Variants in GIMAP8 observed in about 807,000 individuals in gnomAD.
The protein encoded by GIMAP8 is GTPase IMAP family member 8.
GIMAP8 carries 29 observed loss-of-function variants against 35.6 expected under a neutral mutation model. The ratio of observed to expected loss-of-function variants is 0.81; its 90% CI spans 0.61 to 1.11. The LOEUF (loss-of-function observed/expected upper bound fraction) is 1.11, where lower values mean the gene tolerates loss of function less well. Among genes scored for constraint, GIMAP8 ranks in the 50% most tolerant of loss-of-function variants. The pLI is 0.00. For synonymous variants in GIMAP8, 335 were observed against 308.7 expected (o/e 1.09, Z -0.89); for missense variants, 811 against 805.0 (o/e 1.01, Z -0.09).
At position 150,477,177 on chromosome 7, in the gene GIMAP8, C is replaced by A; in HGVS notation, c.1395C>A (p.Thr465=). ...GNSILGSLVF[T]SRLRAQPVTK... is the part of the protein sequence containing the mutation. ...CTATCCTGGGGAGCCTCGTCTTCAC[C>A]TCTCGGCTCCGGGCCCAGCCAGTCA... The change falls in exon 5 of 5, where the codon ACC becomes ACA. Residue 465 remains threonine, a synonymous_variant. Transcript: ENST00000307271. 1.2e-6 allele frequency: 2 copies of A among 1,614,082 alleles called. No individual in the cohort carries two copies. The highest frequency in any genetic ancestry group is 1.7e-6 in the Non-Finnish European group (2 of 1,179,976).
rs568268749 is a variant in GIMAP8 at position 150,472,466 on chromosome 7, C to G, written c.683-1546C>G. Among the ~76,000 whole-genome samples the G allele has an allele frequency of 6.6e-6, 1 of 152,214 alleles. No individual in the cohort carries two copies. The highest frequency in any genetic ancestry group is 1.5e-5 in the Non-Finnish European group (1 of 68,020). ...GCAGAGTGGTTGTGGTTGTGGAAGA[C>G]TCGTGTCTGATTTTCTGTAATACTG... On this transcript the variant is annotated intron_variant, in intron 3 of 4. Coordinates refer to ENST00000307271, the MANE Select transcript of GIMAP8 (RefSeq NM_175571.4). This position sits in a 1 kb window ranked among gnomAD's most constrained non-coding sequence, Gnocchi z 4.1.
At chr7:150,453,227 G>A (rs1801657382) in intron 1 of GIMAP8, among the ~76,000 whole-genome samples, 1 of 152,242 alleles carries the variant, frequency 6.6e-6, no homozygotes, top group African/African-American at 2.4e-5. Flanking sequence ...TCCATAGGGT[G>A]TATCTGGGTG....
At chr7:150,452,333 G>A (rs1801625634) in intron 1 of GIMAP8, among the ~76,000 whole-genome samples, 2 of 151,956 alleles carry the variant, frequency 1.3e-5, no homozygotes, top group Admixed American at 1.3e-4. Context: ...GGGTGTGTGT[G>A]TGTAGGTCCT....
At chr7:150,457,134 G>T (rs1045058947) in intron 1 of GIMAP8, among the ~76,000 whole-genome samples, 1 of 152,320 alleles carries the variant, frequency 6.6e-6, no homozygotes, top group Middle Eastern at 3.4e-3. Context: ...CTTTTCTGCA[G>T]TTTATAGATT....
At chr7:150,471,769 C>T (rs1387304949) in intron 3 of GIMAP8, among the ~76,000 whole-genome samples, 2 of 150,644 alleles carry the variant, frequency 1.3e-5, no homozygotes, top group African/African-American at 4.9e-5. Flanking sequence ...TCTGGGAGCG[C>T]AAGATTGCAG....
intron 1 of GIMAP8, among the ~76,000 whole-genome samples, chr7:150,452,987 C>T (rs539801842): frequency 7.2e-5 from 11 of 152,024 alleles, no homozygotes; most frequent in Non-Finnish European, 1.2e-4. Context: ...GCATATACTA[C>T]ATGCCAGGCA....
At chr7:150,462,256 C>T (rs1801858795) in intron 1 of GIMAP8, among the ~76,000 whole-genome samples, 1 of 152,156 alleles carries the variant, frequency 6.6e-6, no homozygotes, top group Non-Finnish European at 1.5e-5. Context: ...TTGCTTCAGG[C>T]CATCTGGATG....
chr7:150,472,045 G>A lies in GIMAP8; in HGVS notation c.682+1171G>A, dbSNP rs187922330. ...CAGAAATACGTGTACTCAGGCAGAA[G>A]GGTTTCAAAATTCTGGCAATGCCCT... On this transcript the variant is annotated intron_variant, in intron 3 of 4. Transcript: ENST00000307271. The surrounding 1 kb of genome is among the most constrained non-coding windows in gnomAD (Gnocchi z 4.1). Among the ~76,000 whole-genome samples the A allele has an allele frequency of 1.9e-3, 290 of 152,270 alleles. 1 individual carries two copies. The highest frequency in any genetic ancestry group is 0.01 in the Middle Eastern group (3 of 294).
intron 1 of GIMAP8, among the ~76,000 whole-genome samples, chr7:150,456,729 G>A (rs1405756537): frequency 2.0e-5 from 3 of 152,226 alleles, no homozygotes; most frequent in African/African-American, 7.2e-5. Context: ...AGTGGGCGAT[G>A]TGTAAAAGAG....
chr7:150,468,518 G>A (rs1363484725), intron 2 of GIMAP8, among the ~76,000 whole-genome samples: 2 of 152,128 alleles, frequency 1.3e-5, no homozygotes, highest in Non-Finnish European at 1.5e-5. Context: ...ACGCATGTCC[G>A]TACTATGGAA....
rs1482534111 is a variant in GIMAP8, at chr7:150,477,358, A to G, written c.1576A>G (p.Thr526Ala). 1.2e-6 allele frequency: 2 copies of G among 1,614,188 alleles called. No homozygotes were observed. The highest frequency in any genetic ancestry group is 1.7e-6 in the Non-Finnish European group (2 of 1,180,036). Residue 526 changes from threonine (T) to alanine (A), a missense_variant, in exon 5 of 5, where the codon ACA becomes GCA. By Grantham distance (58) the Thr-to-Ala change is moderately conservative. Coordinates refer to ENST00000307271, the MANE Select transcript of GIMAP8 (RefSeq NM_175571.4). ...TTTGTCCTGCTGTGAAAAAGGGGAC[A>G]CATTTTTTGTCCTGGTGTTCCAGCT... ...RCLSCCEKGD[T>A]FFVLVFQLGR...
rs1802275958 is a variant in GIMAP8 at position 150,477,841 on chromosome 7, G to A, written c.*61G>A. On this transcript the variant is annotated 3_prime_UTR_variant, in exon 5 of 5. Coordinates refer to ENST00000307271, the MANE Select transcript of GIMAP8 (RefSeq NM_175571.4). ...CACCCTCAGGTTGGGGGGAGGGGCG[G>A]GGCATGGTACAACCTGTGGGAAGGG... 1.4e-6 allele frequency: 2 copies of A among 1,381,108 alleles called. No homozygotes were observed. The highest frequency in any genetic ancestry group is 2.4e-4 in the Middle Eastern group (1 of 4,238). The allele number at this position is 1,381,108 out of a possible 1,614,324, so 85.6% of individuals were successfully genotyped here.
intron 4 of GIMAP8, among the ~76,000 whole-genome samples, chr7:150,475,783 G>T (rs938853192): frequency 6.6e-6 from 1 of 152,214 alleles, no homozygotes; most frequent in Non-Finnish European, 1.5e-5. Flanking sequence ...ATTTGAAACA[G>T]GTTTTAGAGA....
At chr7:150,453,307 G>T (rs184427614) in intron 1 of GIMAP8, among the ~76,000 whole-genome samples, 7 of 152,298 alleles carry the variant, frequency 4.6e-5, no homozygotes, top group Admixed American at 2.0e-4. Context: ...TCCCCTGGTG[G>T]ACCGGTTCTG....
rs1585120350 is a variant in GIMAP8, at chr7:150,474,551, G to T, written c.1222G>T (p.Glu408Ter). The T allele has an allele frequency of 6.2e-7, 1 of 1,612,908 alleles. No individual in the cohort carries two copies. Among genetic ancestry groups the T allele is most frequent in the African/African-American group, 1.3e-5 (1 of 75,018 alleles). ...AFNYRATGEEEQRQADELLEK... is the reference protein window; with the variant it reads ...AFNYRATGEE ...CAACTACCGGGCAACAGGAGAAGAA[G>T]AGCAAAGGCAGGCGGACGAGCTCCT... The change falls in exon 4 of 5, where the codon GAG becomes TAG. Residue 408 changes from glutamate to a stop codon, truncating the protein, a stop_gained. Coordinates refer to ENST00000307271, the MANE Select transcript of GIMAP8 (RefSeq NM_175571.4). LOFTEE classifies it high-confidence loss of function.
intron 2 of GIMAP8, among the ~76,000 whole-genome samples, chr7:150,468,683 G>A (rs1431207499): frequency 6.6e-6 from 1 of 152,158 alleles, no homozygotes; most frequent in East Asian, 1.9e-4. Context: ...CATAGAAAAA[G>A]TTAGAAGGAT....
intron 4 of GIMAP8, 69 bp downstream of exon 4, chr7:150,474,707 CT>C: frequency 9.9e-7 from 1 of 1,008,004 alleles, no homozygotes; most frequent in Non-Finnish European, 1.4e-6. Context: ...TATATAAGAA[CT>C]TTTTATTTTC....
intron 1 of GIMAP8, among the ~76,000 whole-genome samples, chr7:150,455,865 G>A (rs995798049): frequency 6.6e-6 from 1 of 152,168 alleles, no homozygotes; most frequent in Non-Finnish European, 1.5e-5. Context: ...GTTGGTCTCT[G>A]GGATATTCTG....
rs1311835376 is a variant in GIMAP8 at position 150,477,552 on chromosome 7, T to C, written c.1770T>C (p.Ile590=). The change falls in exon 5 of 5, where the codon ATT becomes ATC. Residue 590 remains isoleucine (I), a synonymous_variant. Transcript: ENST00000307271. ...KNSDNKALRR[I]FKKCGRRVCA... is the part of the protein sequence containing the mutation. ...CAGATAACAAAGCCCTTCGGCGCAT[T>C]TTTAAAAAGTGTGGGCGGCGAGTTT... 1.9e-6 allele frequency: 3 copies of C among 1,613,988 alleles called. No homozygotes were observed. Among genetic ancestry groups the C allele is most frequent in the Non-Finnish European group, 2.5e-6 (3 of 1,180,020 alleles).
Sources: gnomAD v4.1 joint callset for allele counts (sites outside exome capture counted in the v4.1 genomes callset) on GRCh38, gnomAD v4.1.1 for gene constraint, Gnocchi (gnomAD v3.1) non-coding constraint, MANE v1.5 for transcripts, NCBI Gene and HGNC (gene_info 2026-07-23, HGNC 2026-07-21) for gene names.